SUPT20H: variants seen among roughly 807,000 people sequenced by gnomAD.
SUPT20H encodes transcription factor SPT20 homolog.
SUPT20H carries 82 observed loss-of-function variants against 122.8 expected under a neutral mutation model. The observed-to-expected ratio is 0.67, with a 90% CI of 0.56 to 0.80. SUPT20H has a LOEUF of 0.80. Among genes scored for constraint, SUPT20H ranks in the 30% least tolerant of loss-of-function variants. SUPT20H has a pLI of 0.00. For missense variants in SUPT20H, 831 were observed against 921.6 expected, an observed-to-expected ratio of 0.90 and a Z score of 1.27; for synonymous variants, 291 against 313.0, an observed-to-expected ratio of 0.93 and a Z score of 0.74.
In SUPT20H at chr13:37,022,131, A is replaced by G; in HGVS notation, c.1592-51T>C. 6.2e-7 allele frequency: 1 copy of G among 1,614,120 alleles called. No individual in the cohort carries two copies. The highest frequency in any genetic ancestry group is 8.5e-7 in the Non-Finnish European group (1 of 1,179,998). ...GGAAAGAGGAATGGTTGTTACAGGC[A>G]TTGCCTGGCTCAGAGACCTTTGCTG... On this transcript the variant is annotated intron_variant, in intron 19 of 25. Coordinates refer to ENST00000350612, the MANE Select transcript of SUPT20H (RefSeq NM_001014286.3). This position sits in a 1 kb window ranked among gnomAD's most constrained non-coding sequence, Gnocchi z 4.5.
At position 37,009,339 on chromosome 13, in the gene SUPT20H, A is replaced by ATT; in HGVS notation, c.*331_*332dup. On this transcript the variant is annotated 3_prime_UTR_variant, in exon 26 of 26. Coordinates refer to ENST00000350612, the MANE Select transcript of SUPT20H (RefSeq NM_001014286.3). ...TTCAAAACAGATTTGTAAAAATTGT[A>ATT]TTTGTTAACACTGTGCACAAACGTT... 1 of 1,158,376 alleles carries ATT rather than the reference A, an allele frequency of 8.6e-7. No homozygotes were observed. Among genetic ancestry groups the ATT allele is most frequent in the Non-Finnish European group, 1.3e-6 (1 of 777,514 alleles). The allele number at this position is 1,158,376 out of a possible 1,614,324, so 71.8% of individuals were successfully genotyped here. A position where few individuals can be genotyped will look rare whatever the true frequency, so the allele number is the denominator to read the frequency against.
intron 15 of SUPT20H, among the ~76,000 whole-genome samples, chr13:37,026,540 C>T (rs2062315601): frequency 6.6e-6 from 1 of 152,050 alleles, no homozygotes; most frequent in Non-Finnish European, 1.5e-5. Flanking sequence ...GCTATATACC[C>T]TTACAACTAT....
chr13:37,019,282 T>C (rs1379725172), intron 22 of SUPT20H, 60 bp downstream of exon 22: 10 of 1,311,450 alleles, frequency 7.6e-6, no homozygotes, highest in African/African-American at 4.5e-5. Flanking sequence ...TAGATATACA[T>C]TGTTTAGAAA....
chr13:37,010,460 G>C, intron 25 of SUPT20H, 92 bp downstream of exon 25: 1 of 1,154,302 alleles, frequency 8.7e-7, no homozygotes, highest in South Asian at 1.3e-5. Flanking sequence ...AGTCTTAAAA[G>C]ACAGTAAAAT....
At position 37,022,454 on chromosome 13, in the gene SUPT20H, A is replaced by C; in HGVS notation, c.1592-374T>G. On this transcript the variant is annotated intron_variant, in intron 19 of 25. Coordinates refer to ENST00000350612, the MANE Select transcript of SUPT20H (RefSeq NM_001014286.3). This position sits in a 1 kb window ranked among gnomAD's most constrained non-coding sequence, Gnocchi z 4.5. ...TTTTAGCAGTTAACTGCAAGTGTTAATTTCTACACATGATACATGAGTGTT... is the reference window on the plus strand; with the variant it reads ...TTTTAGCAGTTAACTGCAAGTGTTACTTTCTACACATGATACATGAGTGTT... The C allele has an allele frequency of 7.7e-7, 1 of 1,303,486 alleles. No homozygotes were observed. Among genetic ancestry groups the C allele is most frequent in the Non-Finnish European group, 9.7e-7 (1 of 1,028,854 alleles). 80.7% of individuals were successfully genotyped at this position (1,303,486 alleles called of 1,614,324 possible). A position where few individuals can be genotyped will look rare whatever the true frequency, so the allele number is the denominator to read the frequency against.
chr13:37,042,079 G>A (rs2065573099), intron 7 of SUPT20H, among the ~76,000 whole-genome samples: 4 of 152,336 alleles, frequency 2.6e-5, no homozygotes, highest in Non-Finnish European at 1.5e-5. Context: ...AATGCAGCGA[G>A]TGAGGATGAG....
chr13:37,054,103 C>A (rs899992370), intron 1 of SUPT20H, among the ~76,000 whole-genome samples: 10 of 152,102 alleles, frequency 6.6e-5, no homozygotes, highest in Non-Finnish European at 1.2e-4. Flanking sequence ...CAATAACAGG[C>A]TGTGAAATTG....
At chr13:37,043,110 G>C (rs967370252) in intron 7 of SUPT20H, among the ~76,000 whole-genome samples, 1 of 152,044 alleles carries the variant, frequency 6.6e-6, no homozygotes, top group African/African-American at 2.4e-5. Flanking sequence ...AATAGAGAAA[G>C]AGAAATAGAA....
chr13:37,022,098 A>C lies in SUPT20H; in HGVS notation c.1592-18T>G, dbSNP rs967385477. 6 of 1,614,152 alleles carry C rather than the reference A, an allele frequency of 3.7e-6. No homozygotes were observed. Among genetic ancestry groups the C allele is most frequent in the Non-Finnish European group, 5.1e-6 (6 of 1,180,002 alleles). On this transcript the variant is annotated intron_variant, in intron 19 of 25. Coordinates refer to ENST00000350612, the MANE Select transcript of SUPT20H (RefSeq NM_001014286.3). This position sits in a 1 kb window ranked among gnomAD's most constrained non-coding sequence, Gnocchi z 4.5. ...CGTGGTTCCTGGAGTTATAGATGTT[A>C]CCATGGTGGAAAGAGGAATGGTTGT... is the stretch of plus-strand genomic sequence containing the variant.
intron 10 of SUPT20H, 146 bp from the exon 11 acceptor site, chr13:37,032,041 TAG>T: frequency 1.2e-5 from 7 of 588,548 alleles, no homozygotes; most frequent in African/African-American, 1.9e-5. Flanking sequence ...GAACTAGGAC[TAG>T]GTGAAATAAA....
intron 9 of SUPT20H, among the ~76,000 whole-genome samples, chr13:37,034,862 T>C (rs2064043507): frequency 6.6e-6 from 1 of 152,156 alleles, no homozygotes; most frequent in Non-Finnish European, 1.5e-5. Context: ...ATTCTGAAAA[T>C]CCTACAATCC....
At chr13:37,048,674 T>A in intron 2 of SUPT20H, 75 bp from the exon 3 acceptor site, 3 of 1,305,014 alleles carry the variant, frequency 2.3e-6, no homozygotes, top group Non-Finnish European at 2.1e-6. Flanking sequence ...TTAACATTTC[T>A]AATGTTTTCT....
At chr13:37,018,025 T>C (rs555593629) in intron 22 of SUPT20H, among the ~76,000 whole-genome samples, 3 of 152,228 alleles carry the variant, frequency 2.0e-5, no homozygotes, top group South Asian at 2.1e-4. Context: ...TTTTAAGCTA[T>C]AGGGGTTTAT....
chr13:37,058,143 G>C (rs2069638022), intron 1 of SUPT20H, among the ~76,000 whole-genome samples: 1 of 152,002 alleles, frequency 6.6e-6, no homozygotes, highest in South Asian at 2.1e-4. Flanking sequence ...GCACACACCT[G>C]TAATCCCAGC....
intron 1 of SUPT20H, among the ~76,000 whole-genome samples, chr13:37,052,387 A>C (rs1035285745): frequency 6.6e-6 from 1 of 152,088 alleles, no homozygotes; most frequent in Non-Finnish European, 1.5e-5. Flanking sequence ...ACAACCATCT[A>C]ATCTTTGACA....
chr13:37,037,617 A>C (rs573131157), intron 9 of SUPT20H, among the ~76,000 whole-genome samples: 1 of 152,330 alleles, frequency 6.6e-6, no homozygotes, highest in African/African-American at 2.4e-5. Flanking sequence ...CACAAAACCT[A>C]TAGGGTCATA....
chr13:37,024,110 G>A lies in SUPT20H; in HGVS notation c.1516C>T (p.Arg506Trp), dbSNP rs766857494. The A allele has an allele frequency of 6.2e-6, 10 of 1,613,834 alleles. No individual in the cohort carries two copies. The highest frequency in any genetic ancestry group is 1.1e-5 in the South Asian group (1 of 91,066). The change falls in exon 19 of 26, where the codon CGG (arginine) becomes TGG (tryptophan). Residue 506 changes from arginine (R) to tryptophan (W), a missense_variant. Physicochemically the swap from Arg to Trp is moderately radical, Grantham distance 101. Coordinates refer to ENST00000350612, the MANE Select transcript of SUPT20H (RefSeq NM_001014286.3). ...TGATTGAGATCCACAGATGATTTCC[G>A]AGGAATACTTGATGGCTTAGAAGAA... is the stretch of plus-strand genomic sequence containing the variant. ...PPSSKPSSIP[R>W]KSSVDLNQVS...
chr13:37,057,401 A>T (rs1468444920), intron 1 of SUPT20H, among the ~76,000 whole-genome samples: 1 of 152,100 alleles, frequency 6.6e-6, no homozygotes, highest in African/African-American at 2.4e-5. Flanking sequence ...TGTAACCACT[A>T]CTGGGTGTCT....
rs1261604202 is a variant in SUPT20H, at chr13:37,045,416, A to G, written c.166-43T>C. 4 of 1,599,450 alleles carry G rather than the reference A, an allele frequency of 2.5e-6. No homozygotes were observed. The African/African-American group carries it at 5.4e-5, about 22-fold the overall frequency. Reference sequence around the variant, plus strand: ...AGAGCTCATGAAAATAATCCAGTATAACCTTAACAAATAATGCTATGATTT... The same window carrying G: ...AGAGCTCATGAAAATAATCCAGTATGACCTTAACAAATAATGCTATGATTT... On this transcript the variant is annotated intron_variant, in intron 5 of 25. Transcript: ENST00000350612.
Sources: allele counts gnomAD v4.1 joint callset (sites outside exome capture counted in the v4.1 genomes callset), GRCh38; gene constraint gnomAD v4.1.1; non-coding constraint Gnocchi (gnomAD v3.1); transcripts MANE v1.5; gene names NCBI Gene and HGNC (gene_info 2026-07-23, HGNC 2026-07-21).